The following LGALS8 variants were observed in gnomAD, a reference collection of about 807,000 sequenced individuals.
The protein encoded by LGALS8 is galectin 8.
LGALS8 carries 30 observed loss-of-function variants against 35.9 expected under a neutral mutation model. The observed-to-expected ratio is 0.83, with a 90% CI of 0.62 to 1.13. The LOEUF is 1.13. LGALS8 is among the 50% of genes most tolerant of loss of function. The pLI is 0.00. For synonymous variants in LGALS8, 138 were observed against 136.1 expected, an observed-to-expected ratio of 1.01 and a Z score of -0.10; for missense variants, 366 against 388.7, an observed-to-expected ratio of 0.94 and a Z score of 0.49.
rs778189169 is a variant in LGALS8 at position 236,540,651 on chromosome 1, A to C, written c.433A>C (p.Asn145His). ...CACTCTGGGCATTTATGGCAAAGTG[A>C]ATATTCACTCAATTGGTTTTAGCTT... ...IDTLGIYGKV[N>H]IHSIGFSFSS... Residue 145 changes from asparagine (N) to histidine (H), a missense_variant, in exon 5 of 10, where the codon AAT becomes CAT. Asn to His is a moderately conservative substitution (Grantham distance 68, BLOSUM62 1). Coordinates refer to ENST00000366584, the MANE Select transcript of LGALS8 (RefSeq NM_201544.4). The C allele has an allele frequency of 1.9e-6, 3 of 1,611,626 alleles. No homozygotes were observed. The highest frequency in any genetic ancestry group is 2.5e-6 in the Non-Finnish European group (3 of 1,179,046).
In LGALS8 at chr1:236,550,893, C is replaced by A; in HGVS notation, c.*2732C>A. ...ACTCTGAGTAGAGTATGAAACACCA[C>A]AGAAAGTCTTAGAAATAGCTCTGGA... On this transcript the variant is annotated 3_prime_UTR_variant, in exon 10 of 10. Transcript: ENST00000366584. 1 of 1,584,918 alleles carries A rather than the reference C, an allele frequency of 6.3e-7. No homozygotes were observed. Among genetic ancestry groups the A allele is most frequent in the Non-Finnish European group, 8.6e-7 (1 of 1,168,542 alleles).
intron 2 of LGALS8, among the ~76,000 whole-genome samples, chr1:236,527,276 G>C (rs1450720995): frequency 3.9e-5 from 6 of 152,172 alleles, no homozygotes; most frequent in Admixed American, 3.9e-4. Context: ...TGCATATCTT[G>C]ATTCTAGCAT....
upstream of LGALS8, among the ~76,000 whole-genome samples, chr1:236,519,043 A>T (rs1660480580): frequency 6.6e-6 from 1 of 152,038 alleles, no homozygotes; most frequent in Non-Finnish European, 1.5e-5. Context: ...TTTTTTTACT[A>T]GTTTTTTAAA....
upstream of LGALS8, among the ~76,000 whole-genome samples, chr1:236,519,241 A>C (rs1571980164): frequency 7.4e-6 from 1 of 135,394 alleles, no homozygotes; most frequent in Non-Finnish European, 1.6e-5. Flanking sequence ...AAAAAAAAAA[A>C]TTAGTCAGGC....
At chr1:236,535,732 AT>A (rs1661449334) in intron 2 of LGALS8, among the ~76,000 whole-genome samples, 2 of 152,182 alleles carry the variant, frequency 1.3e-5, no homozygotes. Context: ...TTCTGGTGTC[AT>A]GTGCCTCCCA....
intron 4 of LGALS8, among the ~76,000 whole-genome samples, chr1:236,539,497 T>G (rs1202656387): frequency 2.5e-5 from 3 of 119,884 alleles, no homozygotes; most frequent in Non-Finnish European, 3.8e-5. Flanking sequence ...ACAAGACAGT[T>G]CCGTAGGATC....
chr1:236,541,402 C>T (rs975428056), intron 5 of LGALS8: 4 of 352,666 alleles, frequency 1.1e-5, no homozygotes, highest in Non-Finnish European at 2.0e-5. Context: ...ACTCGCCCTT[C>T]ACAAGGGTAA....
chr1:236,548,163 C>CT lies in LGALS8; in HGVS notation c.*3dup. The CT allele has an allele frequency of 6.2e-7, 1 of 1,612,054 alleles. No homozygotes were observed. The highest frequency in any genetic ancestry group is 1.1e-5 in the South Asian group (1 of 90,608). On this transcript the variant is annotated 3_prime_UTR_variant, in exon 10 of 10. Transcript: ENST00000366584. Reference sequence around the variant, plus strand: ...TTACTGGAAGTAAGGAGCTGGTAGCCTACCTACACAGCTGCTACAAAAACC... The same window carrying CT: ...TTACTGGAAGTAAGGAGCTGGTAGCCTTACCTACACAGCTGCTACAAAAACC...
At chr1:236,533,509 T>C (rs1022235069) in intron 2 of LGALS8, among the ~76,000 whole-genome samples, 3 of 152,102 alleles carry the variant, frequency 2.0e-5, no homozygotes, top group African/African-American at 7.2e-5. Flanking sequence ...TAATTTTGTA[T>C]TTTTAGTAGA....
At chr1:236,539,591 G>A (rs1459523876) in intron 4 of LGALS8, among the ~76,000 whole-genome samples, 3 of 138,554 alleles carry the variant, frequency 2.2e-5, no homozygotes, top group African/African-American at 7.8e-5. Context: ...TGTACCTAGC[G>A]TGTATGTGTA....
upstream of LGALS8, among the ~76,000 whole-genome samples, chr1:236,519,941 T>C (rs1660504195): frequency 6.7e-6 from 1 of 148,946 alleles, no homozygotes; most frequent in Non-Finnish European, 1.5e-5. Flanking sequence ...GAGTATTGTT[T>C]TGTACAATTT....
upstream of LGALS8, among the ~76,000 whole-genome samples, chr1:236,521,576 C>A (rs551837363): frequency 1.4e-4 from 22 of 152,272 alleles, no homozygotes; most frequent in African/African-American, 5.3e-4. Context: ...CACCTGCAAT[C>A]CCAGGTTACA....
chr1:236,543,477 T>G, intron 7 of LGALS8, 83 bp from the exon 8 acceptor site: 1 of 1,008,676 alleles, frequency 9.9e-7, no homozygotes, highest in Non-Finnish European at 1.6e-6. Flanking sequence ...CTCTGAAACA[T>G]TCCGTAGTGT....
intron 4 of LGALS8, chr1:236,540,192 C>A (rs74151926): frequency 1.1e-3 from 215 of 190,394 alleles, no homozygotes; most frequent in African/African-American, 4.8e-3. Context: ...GTGGGGAGCT[C>A]GCAGGCAGAT....
rs1162343146 is a variant in LGALS8, at chr1:236,552,761, A to G, written c.*4600A>G. 6.6e-6 allele frequency: 1 copy of G among 152,268 alleles called. No individual in the cohort carries two copies. The allele number at this position is 152,268 out of a possible 1,614,324, so 9.4% of individuals were successfully genotyped here. A position where few individuals can be genotyped will look rare whatever the true frequency, so the allele number is the denominator to read the frequency against. On this transcript the variant is annotated 3_prime_UTR_variant, in exon 10 of 10. Coordinates refer to ENST00000366584, the MANE Select transcript of LGALS8 (RefSeq NM_201544.4). ...TTCTAATTTTGGATATTTTAATTAA[A>G]GAATATCTGGACAGTACAAAGTGAA...
At chr1:236,533,633 C>T (rs942726359) in intron 2 of LGALS8, among the ~76,000 whole-genome samples, 6 of 126,732 alleles carry the variant, frequency 4.7e-5, no homozygotes, top group Non-Finnish European at 9.9e-5. Flanking sequence ...TGCGCCTGAC[C>T]CCCATTTTTT....
chr1:236,544,728 T>G (rs577657270), intron 8 of LGALS8, 22 bp from the exon 9 acceptor site: 25 of 1,571,414 alleles, frequency 1.6e-5, no homozygotes, highest in Non-Finnish European at 2.1e-5. Flanking sequence ...TAAGGTTTTT[T>G]TTTTTCTTTC....
chr1:236,543,813 G>A (rs1428707103), intron 8 of LGALS8, among the ~76,000 whole-genome samples, 165 bp downstream of exon 8: 1 of 152,064 alleles, frequency 6.6e-6, no homozygotes, highest in Non-Finnish European at 1.5e-5. Context: ...ACAGCCAGTG[G>A]GCAGCAGAGC....
In LGALS8 at chr1:236,548,964, C is replaced by T. The variant is rs1662581369; in HGVS notation, c.*803C>T. The T allele has an allele frequency of 2.5e-6, 1 of 398,578 alleles. No homozygotes were observed. Among genetic ancestry groups the T allele is most frequent in the Admixed American group, 4.4e-5 (1 of 22,736 alleles). 24.7% of individuals were successfully genotyped at this position (398,578 alleles called of 1,614,324 possible). The stretch of plus-strand genomic sequence containing the variant: ...TGAACTTAGGGCAAATCAGAGTCTA[C>T]ACAGACGCCTACAGAAAGTTTCAGG... On this transcript the variant is annotated 3_prime_UTR_variant, in exon 10 of 10. Coordinates refer to ENST00000366584, the MANE Select transcript of LGALS8 (RefSeq NM_201544.4).
Sources: gnomAD v4.1 joint callset for allele counts (sites outside exome capture counted in the v4.1 genomes callset) on GRCh38, gnomAD v4.1.1 for gene constraint, MANE v1.5 for transcripts, NCBI Gene and HGNC (gene_info 2026-07-23, HGNC 2026-07-21) for gene names.